CAPS2: variants seen among roughly 807,000 people sequenced by gnomAD.
CAPS2 encodes the protein calcyphosine 2, also known as calcyphosin-2.
A neutral mutation model predicts 86.5 loss-of-function variants in CAPS2; 98 were observed. That is an observed-to-expected ratio of 1.13 (90% CI 0.96 to 1.34). The LOEUF (loss-of-function observed/expected upper bound fraction) is 1.34. CAPS2 is among the 40% of genes most tolerant of loss of function. The pLI is 0.00. For missense variants in CAPS2, 729 were observed against 686.8 expected, an observed-to-expected ratio of 1.06 and a Z score of -0.69; for synonymous variants, 210 against 225.1, an observed-to-expected ratio of 0.93 and a Z score of 0.60.
At chr12:75,318,175 T>A (rs750574680) in intron 5 of CAPS2, 1 of 152,164 alleles carries the variant, frequency 6.6e-6, no homozygotes, top group Non-Finnish European at 1.5e-5. Context: ...CTCAAGTCTA[T>A]AACCAATCCA....
At chr12:75,300,555 C>CAAAA (rs60853698) in intron 8 of CAPS2, among the ~76,000 whole-genome samples, 19 of 83,024 alleles carry the variant, frequency 2.3e-4, no homozygotes, top group Non-Finnish European at 3.3e-4. Flanking sequence ...GACTCCGTCT[C>CAAAA]AAAAAAAAAA....
intron 5 of CAPS2, among the ~76,000 whole-genome samples, chr12:75,320,417 G>T (rs565615691): frequency 6.6e-6 from 1 of 152,008 alleles, no homozygotes; most frequent in African/African-American, 2.4e-5. Flanking sequence ...GATGCTAAAA[G>T]GTTATGAAAT....
chr12:75,305,521 C>T, intron 7 of CAPS2: 1 of 617,132 alleles, frequency 1.6e-6, no homozygotes, highest in Non-Finnish European at 3.1e-6. Context: ...GCATAGCAAC[C>T]CTAGGGTTCC....
chr12:75,368,968 G>C (rs1025132401), intron 1 of CAPS2, among the ~76,000 whole-genome samples: 1 of 151,834 alleles, frequency 6.6e-6, no homozygotes, highest in African/African-American at 2.4e-5. Flanking sequence ...TTCATGTGTA[G>C]TTATGTTTCA....
chr12:75,316,512 A>G (rs1455696010), intron 5 of CAPS2, 78 bp from the exon 6 acceptor site: 1 of 1,249,772 alleles, frequency 8.0e-7, no homozygotes, highest in Non-Finnish European at 1.1e-6. Flanking sequence ...GGAATAGATA[A>G]CTACGGAATA....
chr12:75,305,892 G>A (rs1299468269), intron 7 of CAPS2: 2 of 821,390 alleles, frequency 2.4e-6, no homozygotes, highest in African/African-American at 1.7e-5. Context: ...GGCTGCACCT[G>A]AGGCTGTCCA....
chr12:75,276,995 A>C (rs537816740), downstream of CAPS2: 4 of 984,724 alleles, frequency 4.1e-6, no homozygotes, highest in African/African-American at 7.0e-5. Flanking sequence ...AGATTTTACT[A>C]TACCAAAATC....
upstream of CAPS2, among the ~76,000 whole-genome samples, chr12:75,331,508 A>T (rs1043732745): frequency 1.3e-5 from 2 of 152,238 alleles, no homozygotes; most frequent in African/African-American, 2.4e-5. Context: ...ACATAGAAAG[A>T]AAAGCAAAAA....
In CAPS2 at chr12:75,299,845, G is replaced by A. The variant is rs779584223; in HGVS notation, c.846C>T (p.Ile282=). 12 of 1,494,598 alleles carry A rather than the reference G, an allele frequency of 8.0e-6. No homozygotes were observed. The East Asian group carries it at 9.5e-5, about 12-fold the overall frequency. The allele number at this position is 1,494,598 out of a possible 1,614,324, so 92.6% of individuals were successfully genotyped here. The change falls in exon 9 of 17, where the codon ATC becomes ATT. Residue 282 remains isoleucine (I), a synonymous_variant. Transcript: ENST00000393284. The stretch of plus-strand genomic sequence containing the variant: ...AATAAAATCACAATTACCGTGATAC[G>A]ATCCTACCATCAAACTGTAATTTAT...
At chr12:75,309,817 A>G (rs1429113001) in intron 7 of CAPS2, among the ~76,000 whole-genome samples, 1 of 152,236 alleles carries the variant, frequency 6.6e-6, no homozygotes, top group African/African-American at 2.4e-5. Flanking sequence ...TGGCATTTAT[A>G]AAAAAGTGGC....
intron 1 of CAPS2, among the ~76,000 whole-genome samples, chr12:75,348,863 C>G (rs555461387): frequency 2.0e-5 from 3 of 152,140 alleles, no homozygotes; most frequent in African/African-American, 7.2e-5. Flanking sequence ...AACAAAGGGC[C>G]GTGATCTCTG....
intron 1 of CAPS2, among the ~76,000 whole-genome samples, chr12:75,382,310 A>C (rs1223926055): frequency 6.6e-6 from 1 of 152,236 alleles, no homozygotes; most frequent in Non-Finnish European, 1.5e-5. Context: ...TATCCAAATC[A>C]AAAAGCATAT....
At chr12:75,322,021 C>A (rs544200023) in intron 4 of CAPS2, among the ~76,000 whole-genome samples, 4 of 152,042 alleles carry the variant, frequency 2.6e-5, no homozygotes, top group African/African-American at 9.6e-5. Flanking sequence ...TATCTATTTG[C>A]AAACATGGAA....
chr12:75,350,282 T>G (rs1428261418), intron 1 of CAPS2, among the ~76,000 whole-genome samples: 1 of 152,238 alleles, frequency 6.6e-6, no homozygotes, highest in Non-Finnish European at 1.5e-5. Flanking sequence ...CACAGTATCA[T>G]GGACTGCAAT....
chr12:75,326,115 A>G (rs1225805376), intron 1 of CAPS2, among the ~76,000 whole-genome samples: 1 of 152,108 alleles, frequency 6.6e-6, no homozygotes, highest in East Asian at 1.9e-4. Context: ...TTTTTTTGTG[A>G]TATTAGTAGC....
intron 7 of CAPS2, 45 bp from the exon 8 acceptor site, chr12:75,304,921 A>G (rs187500209): frequency 5.1e-6 from 8 of 1,583,698 alleles, no homozygotes; most frequent in African/African-American, 4.0e-5. Context: ...ATGATCATGC[A>G]TTACTTTAAA....
exon 17 of CAPS2, chr12:75,277,237 G>A (rs2033091189): frequency 1.1e-6 from 1 of 945,850 alleles, no homozygotes; most frequent in Non-Finnish European, 1.3e-6. Flanking sequence ...CAGTATAACA[G>A]ACTATACATT....
intron 7 of CAPS2, among the ~76,000 whole-genome samples, chr12:75,310,512 A>G (rs532761651): frequency 7.9e-5 from 12 of 152,156 alleles, no homozygotes; most frequent in Non-Finnish European, 1.3e-4. Flanking sequence ...GCTAGAGGAG[A>G]ATAGGTAAGA....
At chr12:75,356,846 A>G (rs2043186929) in intron 1 of CAPS2, among the ~76,000 whole-genome samples, 2 of 152,154 alleles carry the variant, frequency 1.3e-5, no homozygotes, top group Admixed American at 6.6e-5. Context: ...ACACAAATAG[A>G]CTAGAAGCAA....
Sources: gnomAD v4.1 joint callset for allele counts (sites outside exome capture counted in the v4.1 genomes callset) on GRCh38, gnomAD v4.1.1 for gene constraint, MANE v1.5 for transcripts, NCBI Gene and HGNC (gene_info 2026-07-23, HGNC 2026-07-21) for gene names.